The following TRRAP variants were observed in gnomAD, a reference collection of about 807,000 sequenced individuals.
The protein encoded by TRRAP is transformation/transcription domain-associated protein.
Under a neutral mutation model 438.8 loss-of-function variants are expected in TRRAP, and 41 were observed. The observed-to-expected ratio is 0.09, with a 90% CI of 0.07 to 0.12. TRRAP has a LOEUF of 0.12. Ranked by LOEUF, TRRAP falls within the 10% of genes least tolerant of loss-of-function variation. The pLI, the probability that TRRAP is intolerant of heterozygous loss-of-function variation, is 1.00. For missense variants in TRRAP, 3,122 were observed against 5,055.1 expected, an observed-to-expected ratio of 0.62 and a Z score of 11.60; for synonymous variants, 1,994 against 1,962.9, an observed-to-expected ratio of 1.02 and a Z score of -0.42.
At chr7:98,933,008 ATTTTTT>A (rs10634198) in intron 26 of TRRAP, among the ~76,000 whole-genome samples, 4 of 145,954 alleles carry the variant, frequency 2.7e-5, no homozygotes, top group Non-Finnish European at 6.0e-5. Flanking sequence ...TTTGTTTTGG[ATTTTTT>A]TTTTTTTTAA....
intron 33 of TRRAP, among the ~76,000 whole-genome samples, chr7:98,947,761 A>G (rs1791152481): frequency 6.6e-6 from 1 of 152,212 alleles, no homozygotes; most frequent in Admixed American, 6.5e-5. Flanking sequence ...GGCCACTGCT[A>G]GGTTTTGAGG....
intron 46 of TRRAP, among the ~76,000 whole-genome samples, chr7:98,961,841 C>T (rs1791905990): frequency 6.6e-6 from 1 of 152,150 alleles, no homozygotes; most frequent in South Asian, 2.1e-4. Context: ...ATCGCTTGAA[C>T]CCAGGAGGCC....
At position 98,933,407 on chromosome 7, in the gene TRRAP, G is replaced by T. The variant is rs781820980; in HGVS notation, c.4014+5G>T. ...CATAAGGTGTTCTACACAGAGGTAG[G>T]GGGGTGGTGGTGCGGAGTGGTGTGG... On this transcript the variant is annotated splice_donor_5th_base_variant and intron_variant, in intron 27 of 72. Coordinates refer to ENST00000456197, the MANE Select transcript of TRRAP (RefSeq NM_001375524.1). 4 of 1,612,074 alleles carry T rather than the reference G, an allele frequency of 2.5e-6. No individual in the cohort carries two copies. The highest frequency in any genetic ancestry group is 3.3e-5 in the Admixed American group (2 of 59,956).
chr7:98,899,883 A>G (rs1003719284), intron 10 of TRRAP, 116 bp downstream of exon 10: 10 of 1,112,382 alleles, frequency 9.0e-6, no homozygotes, highest in Non-Finnish European at 1.3e-5. Flanking sequence ...GTAAAATTAT[A>G]TGCACTGTTG....
intron 7 of TRRAP, among the ~76,000 whole-genome samples, chr7:98,897,346 G>A (rs1796263526): frequency 6.6e-6 from 1 of 152,220 alleles, no homozygotes; most frequent in Non-Finnish European, 1.5e-5. Flanking sequence ...TCCCAGAAGG[G>A]ATGGAGTGCT....
intron 5 of TRRAP, among the ~76,000 whole-genome samples, chr7:98,893,203 G>A (rs1474855361): frequency 2.6e-5 from 4 of 152,110 alleles, no homozygotes; most frequent in African/African-American, 9.7e-5. Context: ...ACCCGCTTTG[G>A]CCTCCCAAAG....
intron 62 of TRRAP, among the ~76,000 whole-genome samples, chr7:98,987,615 G>A (rs1317341827): frequency 3.3e-5 from 5 of 152,270 alleles, no homozygotes; most frequent in Admixed American, 1.3e-4. Context: ...GTATAAGATC[G>A]TGTCAACTGC....
chr7:98,919,388 C>T (rs1239335357), intron 20 of TRRAP, among the ~76,000 whole-genome samples: 1 of 152,094 alleles, frequency 6.6e-6, no homozygotes, highest in Non-Finnish European at 1.5e-5. Context: ...ATTGCTTGAG[C>T]CTAGGAGTTC....
intron 49 of TRRAP, among the ~76,000 whole-genome samples, chr7:98,966,182 T>C (rs1047501658): frequency 3.3e-5 from 5 of 151,556 alleles, no homozygotes; most frequent in African/African-American, 9.7e-5. Context: ...GGCGGGCGCC[T>C]GCAGTCCCAG....
chr7:99,005,097 C>T lies in TRRAP; in HGVS notation c.10536-34C>T. On this transcript the variant is annotated intron_variant, in intron 68 of 72. Coordinates refer to ENST00000456197, the MANE Select transcript of TRRAP (RefSeq NM_001375524.1). This position sits in a 1 kb window ranked among gnomAD's most constrained non-coding sequence, Gnocchi z 5.1. ...AAGACAAGGACTGGTAGCAGAGATG[C>T]AGGGCATGTCCTCATGGCTTCTCGC... 1 of 1,603,164 alleles carries T rather than the reference C, an allele frequency of 6.2e-7. No individual in the cohort carries two copies. The highest frequency in any genetic ancestry group is 8.5e-7 in the Non-Finnish European group (1 of 1,172,104).
chr7:98,997,964 G>A (rs1436327208), intron 67 of TRRAP, among the ~76,000 whole-genome samples: 3 of 152,178 alleles, frequency 2.0e-5, no homozygotes. Context: ...CTGAAAAGCA[G>A]TAGATCAAAA....
At position 98,950,281 on chromosome 7, in the gene TRRAP, C is replaced by T. The variant is rs1424980918; in HGVS notation, c.5334+19C>T. On this transcript the variant is annotated intron_variant, in intron 38 of 72. Coordinates refer to ENST00000456197, the MANE Select transcript of TRRAP (RefSeq NM_001375524.1). ...AGCTAAAGTGAGTCCCACTCTTATG[C>T]TGTAGAAGGGTATGGGTATTTGGTC... 1.2e-6 allele frequency: 2 copies of T among 1,613,818 alleles called. No individual in the cohort carries two copies. Among genetic ancestry groups the T allele is most frequent in the Non-Finnish European group, 8.5e-7 (1 of 1,179,898 alleles).
chr7:98,898,005 T>C (rs1796300693), intron 8 of TRRAP, 139 bp downstream of exon 8: 4 of 1,374,834 alleles, frequency 2.9e-6, no homozygotes, highest in Non-Finnish European at 1.0e-6. Context: ...CACTGGTCCT[T>C]CTCTGCAGCC....
chr7:98,929,841 G>C (rs1049592357), intron 23 of TRRAP, 148 bp from the exon 24 acceptor site: 1 of 743,118 alleles, frequency 1.3e-6, no homozygotes, highest in Non-Finnish European at 2.2e-6. Context: ...TGATCCTCCT[G>C]CCTCGGCCTC....
intron 18 of TRRAP, among the ~76,000 whole-genome samples, chr7:98,913,494 G>C (rs1789377225): frequency 6.6e-6 from 1 of 151,914 alleles, no homozygotes; most frequent in African/African-American, 2.4e-5. Flanking sequence ...TCACCATGTT[G>C]GCCAAGCTGG....
In TRRAP at chr7:98,973,856, C is replaced by G. The variant is rs145190353; in HGVS notation, c.7839+1911C>G. Reference sequence around the variant, plus strand: ...GCCCACTTGCTGCATGTCCTTGGGCCGCTCTGGCAGACCTGTGCCCGCCTC... The same window carrying G: ...GCCCACTTGCTGCATGTCCTTGGGCGGCTCTGGCAGACCTGTGCCCGCCTC... On this transcript the variant is annotated intron_variant, in intron 53 of 72. Coordinates refer to ENST00000456197, the MANE Select transcript of TRRAP (RefSeq NM_001375524.1). 1.5e-3 allele frequency among the ~76,000 whole-genome samples: 233 copies of G among 152,346 alleles called. 1 individual carries two copies. The highest frequency in any genetic ancestry group is 5.4e-3 in the African/African-American group (224 of 41,576).
At position 99,011,490 on chromosome 7, in the gene TRRAP, G is replaced by C; in HGVS notation, c.11292G>C (p.Ala3764=). ...TCGGGGTCTCCGGCCCGTTGACAGC[G>C]TCCATGATTGCGGTCGCCCGGTGCT... ...TTIGVSGPLT[A]SMIAVARCFA... The change falls in exon 72 of 73, where the codon GCG becomes GCC. Residue 3764 remains alanine, a synonymous_variant. Coordinates refer to ENST00000456197, the MANE Select transcript of TRRAP (RefSeq NM_001375524.1). This position sits in a 1 kb window ranked among gnomAD's most constrained non-coding sequence, Gnocchi z 7.1. The C allele has an allele frequency of 6.2e-7, 1 of 1,614,236 alleles. No homozygotes were observed. The highest frequency in any genetic ancestry group is 8.5e-7 in the Non-Finnish European group (1 of 1,180,042).
At chr7:98,937,343 TA>T (rs782248045) in intron 29 of TRRAP, 66 bp downstream of exon 29, 7 of 1,553,078 alleles carry the variant, frequency 4.5e-6, no homozygotes, top group Non-Finnish European at 6.1e-6. Flanking sequence ...TACTCTGCAT[TA>T]AGAGTTCTTC....
intron 12 of TRRAP, among the ~76,000 whole-genome samples, chr7:98,905,962 C>T (rs2116381801): frequency 6.6e-6 from 1 of 152,326 alleles, no homozygotes; most frequent in East Asian, 1.9e-4. Flanking sequence ...GTGACCCTGA[C>T]TGCATCTTTG....
Sources: allele counts gnomAD v4.1 joint callset (sites outside exome capture counted in the v4.1 genomes callset), GRCh38; gene constraint gnomAD v4.1.1; non-coding constraint Gnocchi (gnomAD v3.1); transcripts MANE v1.5; gene names NCBI Gene and HGNC (gene_info 2026-07-23, HGNC 2026-07-21).